Variants in EPB41L1 observed in about 807,000 individuals in gnomAD.
The protein encoded by EPB41L1 is band 4.1-like protein 1.
Under a neutral mutation model 97.8 loss-of-function variants are expected in EPB41L1, and 29 were observed. That is an observed-to-expected ratio of 0.30 (90% CI 0.22 to 0.40). EPB41L1 has a LOEUF of 0.40. Among genes scored for constraint, EPB41L1 ranks in the 10% least tolerant of loss-of-function variants. The pLI, the probability that EPB41L1 is intolerant of heterozygous loss-of-function variation, is 1.00. For synonymous variants in EPB41L1, 383 were observed against 459.2 expected, an observed-to-expected ratio of 0.83 and a Z score of 2.12; for missense variants, 812 against 1,162.3, an observed-to-expected ratio of 0.70 and a Z score of 4.38.
At chr20:36,102,040 A>C (rs1051644713) in intron 1 of EPB41L1, among the ~76,000 whole-genome samples, 3 of 98,512 alleles carry the variant, frequency 3.0e-5, no homozygotes, top group Non-Finnish European at 5.6e-5. Context: ...ACAAAACAAA[A>C]AAAACAAAAA....
chr20:36,114,878 G>A (rs1300298217), intron 2 of EPB41L1, among the ~76,000 whole-genome samples: 1 of 152,112 alleles, frequency 6.6e-6, no homozygotes, highest in Non-Finnish European at 1.5e-5. Flanking sequence ...TGTAGCTAAC[G>A]TAGGGGCAGA....
At chr20:36,174,534 A>G (rs1043418961) in intron 2 of EPB41L1, among the ~76,000 whole-genome samples, 5 of 151,984 alleles carry the variant, frequency 3.3e-5, no homozygotes, top group Non-Finnish European at 7.4e-5. Flanking sequence ...TGGACTCCCA[A>G]AGTGCTGGGA....
At position 36,198,405 on chromosome 20, in the gene EPB41L1, A is replaced by T. The variant is rs546858854; in HGVS notation, c.1668+364A>T. 1.6e-3 allele frequency among the ~76,000 whole-genome samples: 237 copies of T among 152,336 alleles called. 1 individual carries two copies. Among genetic ancestry groups the T allele is most frequent in the African/African-American group, 5.3e-3 (222 of 41,568 alleles). On this transcript the variant is annotated intron_variant, in intron 14 of 21. Transcript: ENST00000338074. ...ACTCAGTGCTGGCATCGGCATCTGG[A>T]CAAGTGCTGCAGAGGCTTTTCATGC...
intron 1 of EPB41L1, among the ~76,000 whole-genome samples, chr20:36,107,099 T>G (rs2058214731): frequency 6.6e-6 from 1 of 152,180 alleles, no homozygotes; most frequent in African/African-American, 2.4e-5. Flanking sequence ...ATTTTAAATT[T>G]TATTTAATAT....
intron 1 of EPB41L1, among the ~76,000 whole-genome samples, chr20:36,105,800 T>C (rs2058170891): frequency 6.6e-6 from 1 of 152,140 alleles, no homozygotes; most frequent in Admixed American, 6.5e-5. Flanking sequence ...TTAAACCTAA[T>C]AGCTGGTGAG....
At chr20:36,158,404 C>G (rs77211593) in intron 1 of EPB41L1, among the ~76,000 whole-genome samples, 1 of 152,132 alleles carries the variant, frequency 6.6e-6, no homozygotes, top group Non-Finnish European at 1.5e-5. Flanking sequence ...TTCAAGAAGA[C>G]GGGGACCTTT....
At chr20:36,158,681 G>C (rs941826646) in intron 1 of EPB41L1, among the ~76,000 whole-genome samples, 1 of 152,152 alleles carries the variant, frequency 6.6e-6, no homozygotes, top group Non-Finnish European at 1.5e-5. Context: ...ACGTGGCCTT[G>C]GGCACATCAC....
At chr20:36,155,040 T>C in intron 1 of EPB41L1, 144 bp downstream of exon 1, 1 of 753,060 alleles carries the variant, frequency 1.3e-6, no homozygotes, top group Non-Finnish European at 1.9e-6. Context: ...TGGGGGAGGG[T>C]CTCGCTGTTC....
At chr20:36,105,382 G>A (rs1000683241) in intron 1 of EPB41L1, among the ~76,000 whole-genome samples, 1 of 152,108 alleles carries the variant, frequency 6.6e-6, no homozygotes, top group South Asian at 2.1e-4. Flanking sequence ...TTCTTGTGAG[G>A]TCCTGGGGTC....
chr20:36,197,208 TAGTG>T (rs2062249428), intron 13 of EPB41L1, among the ~76,000 whole-genome samples: 1 of 152,056 alleles, frequency 6.6e-6, no homozygotes, highest in Admixed American at 6.5e-5. Context: ...CCCTGGTCCC[TAGTG>T]TGGGAGCTTG....
intron 12 of EPB41L1, among the ~76,000 whole-genome samples, 165 bp downstream of exon 12, chr20:36,194,525 C>A (rs1408290791): frequency 6.6e-6 from 1 of 152,212 alleles, no homozygotes; most frequent in African/African-American, 2.4e-5. Context: ...CAATACCTGG[C>A]CCTTGCCGGG....
intron 5 of EPB41L1, 123 bp downstream of exon 5, chr20:36,178,795 C>T: frequency 9.4e-7 from 1 of 1,061,820 alleles, no homozygotes; most frequent in East Asian, 2.4e-5. Flanking sequence ...TGTGGCTCAT[C>T]CCTGTAATCC....
chr20:36,159,734 C>T (rs1222768859), intron 1 of EPB41L1, among the ~76,000 whole-genome samples: 4 of 152,230 alleles, frequency 2.6e-5, no homozygotes, highest in Non-Finnish European at 5.9e-5. Flanking sequence ...TTGCCACATT[C>T]TTCTCACTAA....
chr20:36,143,845 C>A (rs1490214012), intron 2 of EPB41L1, among the ~76,000 whole-genome samples: 1 of 150,804 alleles, frequency 6.6e-6, no homozygotes, highest in African/African-American at 2.4e-5. Context: ...TTTTCTTTTT[C>A]TTTTTTTTTC....
intron 11 of EPB41L1, 76 bp from the exon 12 acceptor site, chr20:36,194,136 C>T: frequency 6.3e-7 from 1 of 1,598,816 alleles, no homozygotes; most frequent in Non-Finnish European, 8.5e-7. Context: ...CGTGGTTGGG[C>T]AGGGCTGGGC....
intron 21 of EPB41L1, among the ~76,000 whole-genome samples, 185 bp downstream of exon 21, chr20:36,222,579 G>A (rs558858235): frequency 6.6e-6 from 1 of 152,266 alleles, no homozygotes; most frequent in East Asian, 1.9e-4. Flanking sequence ...CAAGTCGGTG[G>A]GGAGAAGAAG....
chr20:36,113,387 A>G (rs2058474369), intron 2 of EPB41L1, among the ~76,000 whole-genome samples: 1 of 149,616 alleles, frequency 6.7e-6, no homozygotes, highest in African/African-American at 2.5e-5. Flanking sequence ...GTATCTTTGT[A>G]CCCCTAGGGA....
intron 1 of EPB41L1, among the ~76,000 whole-genome samples, chr20:36,097,672 G>T (rs891990128): frequency 6.6e-6 from 1 of 152,218 alleles, no homozygotes. Context: ...GGAGGAAAAG[G>T]CTTCCTGGAG....
rs1405887883 is a variant in EPB41L1 at position 36,190,208 on chromosome 20, C to A, written c.1027-69C>A. 6.4e-6 allele frequency: 8 copies of A among 1,256,032 alleles called. No homozygotes were observed. Among genetic ancestry groups the A allele is most frequent in the Non-Finnish European group, 8.1e-6 (7 of 864,630 alleles). The allele number at this position is 1,256,032 out of a possible 1,614,324, so 77.8% of individuals were successfully genotyped here. On this transcript the variant is annotated intron_variant, in intron 9 of 21. Transcript: ENST00000338074. This position sits in a 1 kb window ranked among gnomAD's most constrained non-coding sequence, Gnocchi z 5.8. ...AACATTAAACAAATAAAATAAAAAACACAAAGAATGGGCTAGTGGCGAGAG... is the reference window on the plus strand; with the variant it reads ...AACATTAAACAAATAAAATAAAAAAAACAAAGAATGGGCTAGTGGCGAGAG...
Sources: allele counts gnomAD v4.1 joint callset (sites outside exome capture counted in the v4.1 genomes callset), GRCh38; gene constraint gnomAD v4.1.1; non-coding constraint Gnocchi (gnomAD v3.1); transcripts MANE v1.5; gene names NCBI Gene and HGNC (gene_info 2026-07-23, HGNC 2026-07-21).